The following DIAPH3 variants were observed in gnomAD, a reference collection of about 807,000 sequenced individuals.
DIAPH3 encodes diaphanous related formin 3, also known as protein diaphanous homolog 3.
DIAPH3 carries 117 observed loss-of-function variants against 144.3 expected under a neutral mutation model. The ratio of observed to expected loss-of-function variants is 0.81; its 90% confidence interval spans 0.70 to 0.95. The LOEUF is 0.95. Ranked by LOEUF, DIAPH3 falls within the 40% of genes least tolerant of loss-of-function variation. The pLI is 0.00. For synonymous variants in DIAPH3, 519 were observed against 488.9 expected (o/e 1.06, Z -0.81); for missense variants, 1,421 against 1,412.7 (o/e 1.01, Z -0.09).
intron 3 of DIAPH3, among the ~76,000 whole-genome samples, chr13:60,096,114 A>G (rs1325479782): frequency 3.9e-5 from 6 of 152,242 alleles, no homozygotes; most frequent in African/African-American, 1.4e-4. Context: ...AACATTATCC[A>G]CAAAGAATTT....
chr13:59,910,737 TAAA>T (rs761070763), intron 20 of DIAPH3, among the ~76,000 whole-genome samples: 1 of 119,848 alleles, frequency 8.3e-6, no homozygotes, highest in African/African-American at 3.1e-5. Flanking sequence ...CTCAAGTATT[TAAA>T]AAAAAAAAAA....
At chr13:59,861,179 C>G in intron 22 of DIAPH3, 1 of 1,395,670 alleles carries the variant, frequency 7.2e-7, no homozygotes, top group South Asian at 1.5e-5. Flanking sequence ...AACTGTAAAA[C>G]AAAGTATTTT....
chr13:60,132,972 T>C lies in DIAPH3; in HGVS notation c.198A>G (p.Thr66=), dbSNP rs2059181277. ...ATAATCTTACCATATCATCCGTCAG[T>C]GTCCTAATATTTAAATGCTGCAAAT... The part of the protein sequence containing the change: ...KRPKFHLNIR[T]LTDDMLDKFA... The change falls in exon 2 of 28, where the codon ACA becomes ACG. Residue 66 remains threonine (T), a synonymous_variant. Transcript: ENST00000400324. 6.2e-7 allele frequency: 1 copy of C among 1,607,464 alleles called. No individual in the cohort carries two copies. The highest frequency in any genetic ancestry group is 1.7e-5 in the Admixed American group (1 of 59,788).
At chr13:59,992,737 A>G (rs1397879242) in intron 9 of DIAPH3, among the ~76,000 whole-genome samples, 154 bp from the exon 10 acceptor site, 2 of 151,928 alleles carry the variant, frequency 1.3e-5, no homozygotes, top group African/African-American at 2.4e-5. Context: ...TAAACTACAG[A>G]AGAAATAAAG....
intron 5 of DIAPH3, among the ~76,000 whole-genome samples, chr13:60,041,335 C>T (rs2055651794): frequency 6.6e-6 from 1 of 152,192 alleles, no homozygotes; most frequent in Non-Finnish European, 1.5e-5. Context: ...ACATGCTAAA[C>T]AGCGTGTCTG....
chr13:59,947,375 G>A (rs1031536562), intron 17 of DIAPH3, among the ~76,000 whole-genome samples: 2 of 152,114 alleles, frequency 1.3e-5, no homozygotes, highest in Non-Finnish European at 2.9e-5. Flanking sequence ...ATGGTCCACC[G>A]CCTGATTCTC....
At chr13:59,927,567 G>A (rs1329383934) in intron 17 of DIAPH3, among the ~76,000 whole-genome samples, 3 of 152,132 alleles carry the variant, frequency 2.0e-5, no homozygotes, top group East Asian at 1.9e-4. Flanking sequence ...CTTAAGCAGG[G>A]AGTCTAGCAG....
chr13:59,723,612 T>G (rs1365867926), intron 27 of DIAPH3, among the ~76,000 whole-genome samples: 1 of 151,938 alleles, frequency 6.6e-6, no homozygotes, highest in African/African-American at 2.4e-5. Flanking sequence ...TGATGGTCTT[T>G]TTTTTTTTTC....
At chr13:59,754,336 GTT>G (rs2139139168) in intron 27 of DIAPH3, among the ~76,000 whole-genome samples, 1 of 152,304 alleles carries the variant, frequency 6.6e-6, no homozygotes, top group South Asian at 2.1e-4. Flanking sequence ...CTAAGCCTCA[GTT>G]TGAGACAATG....
intron 17 of DIAPH3, among the ~76,000 whole-genome samples, chr13:59,940,407 G>C (rs899355573): frequency 7.9e-5 from 12 of 152,074 alleles, no homozygotes; most frequent in Non-Finnish European, 1.8e-4. Flanking sequence ...AAAAGTTTTT[G>C]TTCAAAAGAC....
At chr13:59,701,314 C>T (rs1049067019) in intron 27 of DIAPH3, among the ~76,000 whole-genome samples, 4 of 152,166 alleles carry the variant, frequency 2.6e-5, no homozygotes, top group African/African-American at 4.8e-5. Flanking sequence ...GATGCTCTCT[C>T]GCAAGCCATC....
chr13:60,041,272 C>G (rs557907193), intron 5 of DIAPH3, among the ~76,000 whole-genome samples: 4 of 152,144 alleles, frequency 2.6e-5, no homozygotes, highest in African/African-American at 4.8e-5. Flanking sequence ...CTAAAGAAGG[C>G]TAAAATTAAA....
intron 7 of DIAPH3, chr13:60,013,273 G>A (rs1465373607): frequency 6.0e-5 from 57 of 946,718 alleles, no homozygotes; most frequent in Non-Finnish European, 6.9e-5. Context: ...TGAAGATGAT[G>A]TTTTAGGTAG....
chr13:60,043,208 A>G (rs2055816543), intron 4 of DIAPH3, among the ~76,000 whole-genome samples: 1 of 152,212 alleles, frequency 6.6e-6, no homozygotes, highest in Admixed American at 6.5e-5. Context: ...AGAAAAGGCT[A>G]TTAGGTATTA....
intron 5 of DIAPH3, among the ~76,000 whole-genome samples, chr13:60,031,176 G>A (rs1443436374): frequency 6.6e-6 from 1 of 152,168 alleles, no homozygotes; most frequent in Non-Finnish European, 1.5e-5. Context: ...AGAAGGTGAA[G>A]GGGTAGCAGG....
At chr13:60,128,075 A>C (rs2059035088) in intron 2 of DIAPH3, among the ~76,000 whole-genome samples, 1 of 152,028 alleles carries the variant, frequency 6.6e-6, no homozygotes, top group South Asian at 2.1e-4. Flanking sequence ...ATCACCCTCA[A>C]GTATGCCCCA....
At chr13:59,693,378 TA>T (rs1196992819) in intron 27 of DIAPH3, among the ~76,000 whole-genome samples, 2 of 152,198 alleles carry the variant, frequency 1.3e-5, no homozygotes, top group African/African-American at 4.8e-5. Flanking sequence ...TGTCCTTTTA[TA>T]AGCTCTTTGA....
intron 7 of DIAPH3, among the ~76,000 whole-genome samples, chr13:60,015,447 A>G (rs888147607): frequency 1.3e-5 from 2 of 152,214 alleles, no homozygotes; most frequent in Admixed American, 6.5e-5. Context: ...TTCCTAGAAT[A>G]TAAGAAATCT....
chr13:59,894,458 C>T (rs1199659223), intron 20 of DIAPH3, among the ~76,000 whole-genome samples: 1 of 151,522 alleles, frequency 6.6e-6, no homozygotes, highest in Admixed American at 6.6e-5. Flanking sequence ...ATGGATAATT[C>T]CAAAGGAAGT....
Sources: allele counts gnomAD v4.1 joint callset (sites outside exome capture counted in the v4.1 genomes callset), GRCh38; gene constraint gnomAD v4.1.1; transcripts MANE v1.5; gene names NCBI Gene and HGNC (gene_info 2026-07-23, HGNC 2026-07-21).